Variants in ZFX observed in about 807,000 individuals in gnomAD.
ZFX encodes the protein zinc finger X-chromosomal protein.
For missense variants in ZFX, 362 were observed against 628.3 expected (o/e 0.58, Z 4.53); for synonymous variants, 196 against 226.8 (o/e 0.86, Z 1.22).
chrX:24,186,141 A>G (rs1462967376), intron 5 of ZFX, among the ~76,000 whole-genome samples: 1 of 110,939 alleles, frequency 9.0e-6, no homozygotes, highest in Non-Finnish European at 1.9e-5. Flanking sequence ...TCTGAATCTT[A>G]TATTTATTAA....
chrX:24,163,850 A>G (rs1933717370), intron 3 of ZFX, among the ~76,000 whole-genome samples: 1 of 107,077 alleles, frequency 9.3e-6, no homozygotes. Flanking sequence ...GAAAAAAAAA[A>G]AAAAAAAAAT....
intron 5 of ZFX, among the ~76,000 whole-genome samples, chrX:24,198,895 G>A (rs1937102943): frequency 8.9e-6 from 1 of 111,794 alleles, no homozygotes; most frequent in South Asian, 3.7e-4. Context: ...CAGGTCTAGA[G>A]TGGAGATGTA....
Position 24,172,691 on chromosome X carries a change from G to C in ZFX, c.-28-24G>C, listed in dbSNP as rs1402726782. 4.6e-6 allele frequency: 5 copies of C among 1,088,126 alleles called. No individual in the cohort carries two copies. The African/African-American group carries it at 9.4e-5, about 20-fold the overall frequency. 89.7% of individuals were successfully genotyped at this position (1,088,126 alleles called of 1,213,427 possible). A position where few individuals can be genotyped will look rare whatever the true frequency, so the allele number is the denominator to read the frequency against. On this transcript the variant is annotated intron_variant, in intron 3 of 9. Transcript: ENST00000304543. The stretch of plus-strand genomic sequence containing the variant: ...CTGATATGAAAAAACTAATGGCTTT[G>C]GTTTACTTTTTTCCCTGATTTAGGA...
intron 3 of ZFX, among the ~76,000 whole-genome samples, chrX:24,168,374 A>T (rs768338506): frequency 8.9e-6 from 1 of 112,116 alleles, no homozygotes; most frequent in Non-Finnish European, 1.9e-5. Context: ...ATTAGCTGCA[A>T]AAAGCAAAGT....
chrX:24,163,363 GGTTTT>G (rs1933597720), intron 3 of ZFX, among the ~76,000 whole-genome samples: 1 of 34,543 alleles, frequency 2.9e-5, no homozygotes, highest in Admixed American at 4.5e-4. Context: ...ATTTTTGTTA[GGTTTT>G]TTTTTTTTTT....
intron 5 of ZFX, among the ~76,000 whole-genome samples, chrX:24,197,912 G>A (rs763175943): frequency 2.1e-4 from 23 of 111,846 alleles, no homozygotes; most frequent in African/African-American, 7.5e-4. Flanking sequence ...GGAATTCAGG[G>A]ACTGTAGTAC....
intron 9 of ZFX, 99 bp downstream of exon 9, chrX:24,209,139 C>T (rs760567421): frequency 2.7e-6 from 3 of 1,123,622 alleles, no homozygotes; most frequent in African/African-American, 1.8e-5. Flanking sequence ...ATTTTAGCTG[C>T]TAGACCATAT....
At chrX:24,183,476 C>G (rs1935846167) in intron 5 of ZFX, among the ~76,000 whole-genome samples, 2 of 111,380 alleles carry the variant, frequency 1.8e-5, no homozygotes, top group Non-Finnish European at 3.8e-5. Context: ...CGTGAGCTAC[C>G]ACGCCTGGCC....
chrX:24,215,483 G>T lies in ZFX; in HGVS notation c.*4107G>T, dbSNP rs1938403022. 1 of 111,688 alleles carries T rather than the reference G, an allele frequency of 9.0e-6. No individual in the cohort carries two copies. Among genetic ancestry groups the T allele is most frequent in the African/African-American group, 3.3e-5 (1 of 30,738 alleles). 9.2% of individuals were successfully genotyped at this position (111,688 alleles called of 1,213,427 possible). A position where few individuals can be genotyped will look rare whatever the true frequency, so the allele number is the denominator to read the frequency against. On this transcript the variant is annotated 3_prime_UTR_variant, in exon 10 of 10. Transcript: ENST00000304543. The stretch of plus-strand genomic sequence containing the variant: ...TGGGAAACTGGCGTGGGACCCAGCA[G>T]TCTTTGTTTTAACATGTTCTCCAAG...
intron 5 of ZFX, among the ~76,000 whole-genome samples, chrX:24,205,527 CTT>C (rs1405724198): frequency 8.9e-6 from 1 of 112,280 alleles, no homozygotes; most frequent in Admixed American, 9.4e-5. Context: ...TAACAGGACA[CTT>C]ATTTTCTTGG....
Position 24,179,383 on chromosome X carries a change from G to A in ZFX, c.259G>A (p.Val87Met). ...QCPDIMEEADVSETVIIPEQV... is the reference protein window; with the variant it reads ...QCPDIMEEADMSETVIIPEQV... ...CCCAGATATCATGGAAGAAGCAGAT[G>A]TGTCTGAAACGGTCATCATTCCTGA... The change falls in exon 5 of 10, where the codon GTG becomes ATG. Residue 87 changes from valine to methionine, a missense_variant. Coordinates refer to ENST00000304543, the MANE Select transcript of ZFX (RefSeq NM_003410.4). 1 of 1,212,330 alleles carries A rather than the reference G, an allele frequency of 8.2e-7. No individual in the cohort carries two copies. Among genetic ancestry groups the A allele is most frequent in the Non-Finnish European group, 1.1e-6 (1 of 895,688 alleles).
intron 5 of ZFX, among the ~76,000 whole-genome samples, chrX:24,191,803 G>A (rs778630937): frequency 6.4e-4 from 70 of 110,038 alleles, no homozygotes; most frequent in Non-Finnish European, 9.1e-4. Context: ...GGGTACAAGC[G>A]ATTCTCCTTC....
chrX:24,195,624 G>A (rs1450006122), intron 5 of ZFX, among the ~76,000 whole-genome samples: 1 of 111,792 alleles, frequency 8.9e-6, no homozygotes, highest in East Asian at 2.8e-4. Flanking sequence ...CAAAGTGCTG[G>A]GATTATAGGC....
chrX:24,162,069 AAAG>A (rs544265230), intron 3 of ZFX, among the ~76,000 whole-genome samples: 1 of 110,269 alleles, frequency 9.1e-6, no homozygotes, highest in African/African-American at 3.3e-5. Context: ...AAAAAAAAAA[AAAG>A]AAATCTCTAG....
In ZFX at chrX:24,210,288, A is replaced by G; in HGVS notation, c.1330A>G (p.Met444Val). 1 of 1,211,824 alleles carries G rather than the reference A, an allele frequency of 8.3e-7. No individual in the cohort carries two copies. Among genetic ancestry groups the G allele is most frequent in the Non-Finnish European group, 1.1e-6 (1 of 895,604 alleles). ...FKSRGFLKRH[M>V]KNHPEHLAKK... ...GTCGAGAGGTTTTTTGAAAAGGCAC[A>G]TGAAAAACCATCCCGAACACCTTGC... The change falls in exon 10 of 10, where the codon ATG (methionine) becomes GTG (valine). Residue 444 changes from methionine (M) to valine (V), a missense_variant. Transcript: ENST00000304543.
At chrX:24,206,281 C>A (rs763721778) in intron 5 of ZFX, among the ~76,000 whole-genome samples, 1 of 112,099 alleles carries the variant, frequency 8.9e-6, no homozygotes, top group Admixed American at 9.5e-5. Context: ...AAGTGATATT[C>A]AAGAATAGTG....
chrX:24,206,814 A>G (rs927770468), intron 5 of ZFX, among the ~76,000 whole-genome samples: 2 of 110,823 alleles, frequency 1.8e-5, no homozygotes, highest in African/African-American at 3.3e-5. Context: ...AGTTTTCTCT[A>G]TGTATAGTAT....
chrX:24,151,821 A>G (rs1932190950), intron 2 of ZFX, 21 bp downstream of exon 2: 1 of 111,624 alleles, frequency 9.0e-6, no homozygotes, highest in African/African-American at 3.3e-5. Context: ...GTTCCATTGG[A>G]CTAGGAAAAG....
intron 5 of ZFX, among the ~76,000 whole-genome samples, chrX:24,192,172 A>C (rs1936575835): frequency 8.9e-6 from 1 of 111,949 alleles, no homozygotes; most frequent in Non-Finnish European, 1.9e-5. Flanking sequence ...GAATAGGCTC[A>C]TTGTTCACAG....
Sources: gnomAD v4.1 joint callset for allele counts (sites outside exome capture counted in the v4.1 genomes callset) on GRCh38, gnomAD v4.1.1 for gene constraint, MANE v1.5 for transcripts, NCBI Gene and HGNC (gene_info 2026-07-23, HGNC 2026-07-21) for gene names.